The following METTL22 variants were observed in gnomAD, a reference collection of about 807,000 sequenced individuals.
METTL22 encodes the protein methyltransferase-like protein 22.
Under a neutral mutation model 48.4 loss-of-function variants are expected in METTL22, and 51 were observed. The observed-to-expected ratio is 1.05, with a 90% CI of 0.84 to 1.33. The LOEUF (loss-of-function observed/expected upper bound fraction) is 1.33, where lower values mean the gene tolerates loss of function less well. Ranked by LOEUF, METTL22 falls within the 40% of genes most tolerant of loss-of-function variation. The pLI, the probability that METTL22 is intolerant of heterozygous loss-of-function variation, is 0.00. For synonymous variants in METTL22, 255 were observed against 214.1 expected (o/e 1.19, Z -1.67); for missense variants, 678 against 526.9 (o/e 1.29, Z -2.81).
rs780879685 is a variant in METTL22, at chr16:8,644,553, G to T, written c.1011-4G>T. The T allele has an allele frequency of 2.0e-6, 3 of 1,536,008 alleles. No homozygotes were observed. Among genetic ancestry groups the T allele is most frequent in the East Asian group, 4.8e-5 (2 of 41,318 alleles). On this transcript the variant is annotated splice_region_variant and splice_polypyrimidine_tract_variant and intron_variant, in intron 9 of 10. Transcript: ENST00000381920. ...GTTTGTGCGTCCGACTGGCTGGTTTGCAGGCTCAACTTCACATTGAGACAC... is the reference window on the plus strand; with the variant it reads ...GTTTGTGCGTCCGACTGGCTGGTTTTCAGGCTCAACTTCACATTGAGACAC...
At chr16:8,639,004 T>C in intron 5 of METTL22, 87 bp from the exon 6 acceptor site, 1 of 1,323,134 alleles carries the variant, frequency 7.6e-7, no homozygotes, top group South Asian at 1.2e-5. Context: ...AGTTGTGCTG[T>C]TGATCACAGC....
chr16:8,638,007 C>A (rs2056474347), intron 5 of METTL22, among the ~76,000 whole-genome samples: 1 of 149,332 alleles, frequency 6.7e-6, no homozygotes, highest in South Asian at 2.1e-4. Flanking sequence ...ATTAGCCAGG[C>A]ATGGTGGCGT....
chr16:8,658,709 G>T, the METTL22 span, among the ~76,000 whole-genome samples: 146,362 of 152,250 alleles, frequency 0.96, 70,486 homozygotes, highest in East Asian at 1. Flanking sequence ...TCCGTCTTTG[G>T]GAGGGCGGGG....
At chr16:8,637,879 T>G (rs1431947287) in intron 5 of METTL22, among the ~76,000 whole-genome samples, 1 of 151,922 alleles carries the variant, frequency 6.6e-6, no homozygotes, top group African/African-American at 2.4e-5. Context: ...GGCTAATGCA[T>G]GTAACCCCAG....
At chr16:8,642,873 A>T (rs745692833) in intron 9 of METTL22, 36 of 419,052 alleles carry the variant, frequency 8.6e-5, no homozygotes, top group Non-Finnish European at 1.5e-4. Context: ...CTGTACTGGA[A>T]CCTCAACGCT....
At chr16:8,631,216 A>T (rs1387793538) in intron 3 of METTL22, 1 of 152,232 alleles carries the variant, frequency 6.6e-6, no homozygotes, top group African/African-American at 2.4e-5. Context: ...CTAAAGAAAA[A>T]GAAAAATAGG....
chr16:8,642,255 A>G, intron 8 of METTL22, 48 bp downstream of exon 8: 1 of 1,499,908 alleles, frequency 6.7e-7, no homozygotes, highest in Non-Finnish European at 9.3e-7. Flanking sequence ...TGTAGCATGA[A>G]GTCAAGTGCA....
Position 8,628,785 on chromosome 16 carries a change from A to G in METTL22, c.189A>G (p.Gly63=), listed in dbSNP as rs36079745. 3,731 of 1,614,136 alleles carry G rather than the reference A, an allele frequency of 2.3e-3. 90 individuals are homozygous for G. The African/African-American group carries it at 0.045, about 19-fold the overall frequency. The change falls in exon 3 of 11, where the codon GGA becomes GGG. Residue 63 remains glycine, a synonymous_variant. Coordinates refer to ENST00000381920, the MANE Select transcript of METTL22 (RefSeq NM_024109.4). ...LWSQDSWTDS[G]AKGGSHRDVH... The stretch of plus-strand genomic sequence containing the variant: ...GCCAAGACTCTTGGACAGATTCAGG[A>G]GCCAAGGGTGGCAGTCACAGAGATG...
At position 8,646,371 on chromosome 16, in the gene METTL22, A is replaced by C; in HGVS notation, c.*228A>C. The C allele has an allele frequency of 7.1e-6, 5 of 700,976 alleles. No homozygotes were observed. The highest frequency in any genetic ancestry group is 3.0e-5 in the South Asian group (2 of 66,784). 43.4% of individuals were successfully genotyped at this position (700,976 alleles called of 1,614,324 possible). A position where few individuals can be genotyped will look rare whatever the true frequency, so the allele number is the denominator to read the frequency against. ...AGGTCACTTTAGTTGCCTGTTTCTC[A>C]TGGTTGTGATGTGTGCTCCAGGGTC... On this transcript the variant is annotated 3_prime_UTR_variant, in exon 11 of 11. Coordinates refer to ENST00000381920, the MANE Select transcript of METTL22 (RefSeq NM_024109.4).
At chr16:8,652,841 G>A (rs944932020), downstream of METTL22, among the ~76,000 whole-genome samples, 5 of 152,182 alleles carry the variant, frequency 3.3e-5, no homozygotes, top group African/African-American at 1.2e-4. Context: ...CATCTTGGCT[G>A]TCGGCTGCAG....
At chr16:8,666,971 T>G in the METTL22 span, 4 of 152,020 alleles carry the variant, frequency 2.6e-5, no homozygotes, top group Admixed American at 2.6e-4. Context: ...GTTTTTTGTA[T>G]TTTTAGTAGA....
downstream of METTL22, among the ~76,000 whole-genome samples, chr16:8,654,021 C>A (rs931095264): frequency 6.6e-6 from 1 of 152,092 alleles, no homozygotes. Context: ...AAGACCCCAT[C>A]TCAAAAAAAG....
chr16:8,642,893 C>A (rs1227241976), intron 9 of METTL22: 6 of 332,628 alleles, frequency 1.8e-5, no homozygotes, highest in Non-Finnish European at 3.4e-5. Context: ...TTGGCCAGCA[C>A]ACACTGTTGA....
At chr16:8,641,249 C>A in intron 7 of METTL22, 65 bp downstream of exon 7, 1 of 1,523,878 alleles carries the variant, frequency 6.6e-7, no homozygotes, top group Non-Finnish European at 9.1e-7. Flanking sequence ...CCTCAGTGCC[C>A]CTGGCTCTGT....
chr16:8,641,034 G>A (rs2141789285), intron 6 of METTL22, 97 bp from the exon 7 acceptor site: 1 of 1,155,310 alleles, frequency 8.7e-7, no homozygotes, highest in Non-Finnish European at 1.3e-6. Context: ...GGGTGGGTGG[G>A]TGGATAGATG....
chr16:8,638,968 A>G, intron 5 of METTL22, 123 bp from the exon 6 acceptor site: 1 of 922,226 alleles, frequency 1.1e-6, no homozygotes, highest in Non-Finnish European at 1.7e-6. Context: ...TAAGACACAT[A>G]GGAGAAACGT....
intron 9 of METTL22, among the ~76,000 whole-genome samples, chr16:8,643,935 G>C (rs1207369442): frequency 6.6e-6 from 1 of 152,160 alleles, no homozygotes; most frequent in East Asian, 1.9e-4. Flanking sequence ...TACTCCTGTT[G>C]CATGTCTGGA....
chr16:8,632,506 C>G (rs995513391), intron 3 of METTL22, among the ~76,000 whole-genome samples: 2 of 152,212 alleles, frequency 1.3e-5, no homozygotes, highest in African/African-American at 4.8e-5. Context: ...ACCCGGCCAT[C>G]TCGACACATT....
intron 6 of METTL22, 100 bp downstream of exon 6, chr16:8,639,262 G>A (rs1432149166): frequency 1.7e-6 from 2 of 1,200,872 alleles, no homozygotes; most frequent in Non-Finnish European, 1.2e-6. Context: ...GGCTCCGTCT[G>A]TGTCCCTTGC....
Sources: allele counts gnomAD v4.1 joint callset (sites outside exome capture counted in the v4.1 genomes callset), GRCh38; gene constraint gnomAD v4.1.1; transcripts MANE v1.5; gene names NCBI Gene and HGNC (gene_info 2026-07-23, HGNC 2026-07-21).